PHACTR1: variants seen among roughly 807,000 people sequenced by gnomAD.
The protein encoded by PHACTR1 is RPEL repeat containing 1.
PHACTR1 carries 16 observed loss-of-function variants against 69.2 expected under a neutral mutation model. The observed-to-expected ratio is 0.23, with a 90% CI of 0.16 to 0.35. The LOEUF (loss-of-function observed/expected upper bound fraction) is 0.35. PHACTR1 is among the 10% of genes least tolerant of loss of function. The pLI is 1.00. For missense variants in PHACTR1, 510 were observed against 734.7 expected (o/e 0.69, Z 3.54); for synonymous variants, 312 against 284.5 (o/e 1.10, Z -0.97).
At chr6:12,860,006 T>TCA (rs55995026) in intron 4 of PHACTR1, among the ~76,000 whole-genome samples, 542 of 151,576 alleles carry the variant, frequency 3.6e-3, no homozygotes, top group Middle Eastern at 6.8e-3. Context: ...ATCATCATCA[T>TCA]TATTATTATT....
At chr6:12,883,873 A>G (rs1783358556) in intron 4 of PHACTR1, among the ~76,000 whole-genome samples, 1 of 152,156 alleles carries the variant, frequency 6.6e-6, no homozygotes, top group African/African-American at 2.4e-5. Flanking sequence ...ATTGTCTTAT[A>G]AGATTCCAGT....
chr6:12,927,656 C>T (rs1048998564), intron 4 of PHACTR1, among the ~76,000 whole-genome samples: 2 of 152,194 alleles, frequency 1.3e-5, no homozygotes, highest in African/African-American at 4.8e-5. Context: ...CTATAGCAAA[C>T]AGCATAGGTA....
At chr6:12,804,512 T>C (rs1030040087) in intron 4 of PHACTR1, among the ~76,000 whole-genome samples, 4 of 152,216 alleles carry the variant, frequency 2.6e-5, no homozygotes, top group Non-Finnish European at 4.4e-5. Context: ...TAAAACATTT[T>C]CTTATAGGGA....
At chr6:13,250,147 T>A (rs564197412) in intron 10 of PHACTR1, among the ~76,000 whole-genome samples, 28 of 152,302 alleles carry the variant, frequency 1.8e-4, no homozygotes, top group Middle Eastern at 3.4e-3. Context: ...ACCCAAAGTA[T>A]TTACTATCTG....
At chr6:13,184,334 C>T (rs1440582485) in intron 7 of PHACTR1, among the ~76,000 whole-genome samples, 4 of 152,186 alleles carry the variant, frequency 2.6e-5, no homozygotes, top group Non-Finnish European at 4.4e-5. Flanking sequence ...AATCCACTCC[C>T]TCTTGCCCCT....
At chr6:12,823,184 T>C (rs531974949) in intron 4 of PHACTR1, among the ~76,000 whole-genome samples, 1 of 152,324 alleles carries the variant, frequency 6.6e-6, no homozygotes, top group East Asian at 1.9e-4. Context: ...CGTGCTTAGA[T>C]TTCTACATCT....
At chr6:13,237,095 G>A (rs769299296) in intron 10 of PHACTR1, among the ~76,000 whole-genome samples, 11 of 152,148 alleles carry the variant, frequency 7.2e-5, no homozygotes, top group Non-Finnish European at 2.9e-5. Flanking sequence ...AGACTTTATA[G>A]GACTGGCACA....
At chr6:13,284,582 A>ATATATATATATATAGATACACG (rs1562129267) in intron 13 of PHACTR1, among the ~76,000 whole-genome samples, 1 of 140,172 alleles carries the variant, frequency 7.1e-6, no homozygotes, top group African/African-American at 2.8e-5. Context: ...ATACACGTAT[A>ATATATATATATATAGATACACG]TATATATATA....
chr6:13,226,746 T>C (rs1437230332), intron 8 of PHACTR1, among the ~76,000 whole-genome samples: 2 of 151,588 alleles, frequency 1.3e-5, no homozygotes, highest in Non-Finnish European at 3.0e-5. Context: ...TAGATTTTTT[T>C]TTTTTTTTTT....
At chr6:13,261,694 G>A (rs1192697024) in intron 10 of PHACTR1, among the ~76,000 whole-genome samples, 1 of 152,182 alleles carries the variant, frequency 6.6e-6, no homozygotes, top group East Asian at 1.9e-4. Context: ...GGCAATAAAA[G>A]AAAGTAAAAC....
At chr6:12,998,613 CAAA>C (rs113893363) in intron 4 of PHACTR1, among the ~76,000 whole-genome samples, 1 of 116,524 alleles carries the variant, frequency 8.6e-6, no homozygotes, top group African/African-American at 2.9e-5. Flanking sequence ...AAGACCTGGT[CAAA>C]AAAAAAAAAA....
At position 12,866,105 on chromosome 6, in the gene PHACTR1, C is replaced by G. The variant is rs148423950; in HGVS notation, c.250+116315C>G. On this transcript the variant is annotated intron_variant, in intron 4 of 14. Transcript: ENST00000332995. ...ATATTGTATGGGGATAGGCATGGTA[C>G]TCAGCAAATTTCAGCCCAAGCAACA... Among the ~76,000 whole-genome samples the G allele has an allele frequency of 8.7e-4, 132 of 152,280 alleles. 1 individual carries two copies. Among genetic ancestry groups the G allele is most frequent in the Middle Eastern group, 3.4e-3 (1 of 294 alleles).
intron 4 of PHACTR1, among the ~76,000 whole-genome samples, chr6:13,024,186 T>G (rs1163121617): frequency 6.6e-6 from 1 of 152,176 alleles, no homozygotes. Context: ...GAAGGTGTTC[T>G]CAGTAAGATT....
At chr6:12,992,262 A>T (rs540349064) in intron 4 of PHACTR1, among the ~76,000 whole-genome samples, 123 of 152,384 alleles carry the variant, frequency 8.1e-4, no homozygotes, top group Non-Finnish European at 1.4e-3. Flanking sequence ...TATTTTAAAA[A>T]TTGAAAATCT....
At chr6:12,750,647 G>C (rs1581583819) in intron 4 of PHACTR1, among the ~76,000 whole-genome samples, 1 of 152,066 alleles carries the variant, frequency 6.6e-6, no homozygotes, top group East Asian at 1.9e-4. Context: ...TCCACTGAAG[G>C]TTACTCAATG....
chr6:13,255,637 A>G (rs1156600999), intron 10 of PHACTR1, among the ~76,000 whole-genome samples: 1 of 152,260 alleles, frequency 6.6e-6, no homozygotes, highest in Non-Finnish European at 1.5e-5. Flanking sequence ...ATCAGCCAAA[A>G]GAAAGGGGCT....
Position 13,106,535 on chromosome 6 carries a change from A to G in PHACTR1, c.415+53006A>G, listed in dbSNP as rs138741725. Among the ~76,000 whole-genome samples, 460 of 152,112 alleles carry G rather than the reference A, an allele frequency of 3.0e-3. 1 individual carries two copies. The highest frequency in any genetic ancestry group is 0.011 in the African/African-American group (439 of 41,508). ...GCTCTGTCACCTGGGCTGGAGTGCA[A>G]TGGTGCAATCATAGCTCACTGCAGC... On this transcript the variant is annotated intron_variant, in intron 5 of 14. Transcript: ENST00000332995.
At chr6:12,846,726 CT>C (rs36120296) in intron 4 of PHACTR1, among the ~76,000 whole-genome samples, 5,227 of 143,370 alleles carry the variant, frequency 0.036, 148 homozygotes, top group Admixed American at 0.067. Flanking sequence ...TTCTTTCGTC[CT>C]TTTTTTTTTT....
At chr6:13,205,764 C>T in intron 7 of PHACTR1, 51 bp from the exon 8 acceptor site, 1 of 1,505,604 alleles carries the variant, frequency 6.6e-7, no homozygotes, top group South Asian at 1.3e-5. Context: ...TTCTGAGTTT[C>T]TTCTGATGCC....
Sources: allele counts gnomAD v4.1 joint callset (sites outside exome capture counted in the v4.1 genomes callset), GRCh38; gene constraint gnomAD v4.1.1; transcripts MANE v1.5; gene names NCBI Gene and HGNC (gene_info 2026-07-23, HGNC 2026-07-21).